Variants in ZC3H12B observed in about 807,000 individuals in gnomAD.
ZC3H12B encodes the protein probable ribonuclease ZC3H12B.
A neutral mutation model predicts 43.9 loss-of-function variants in ZC3H12B; 7 were observed. The ratio of observed to expected loss-of-function variants is 0.16; its 90% CI spans 0.09 to 0.30. ZC3H12B has a LOEUF of 0.30. ZC3H12B is among the 10% of genes least tolerant of loss of function. The pLI is 1.00. For synonymous variants in ZC3H12B, 222 were observed against 241.7 expected (o/e 0.92, Z 0.76); for missense variants, 475 against 670.2 (o/e 0.71, Z 3.22).
chrX:65,346,558 C>A, the ZC3H12B span, among the ~76,000 whole-genome samples: 1 of 112,108 alleles, frequency 8.9e-6, no homozygotes, highest in African/African-American at 3.2e-5. Flanking sequence ...TTTTTACATT[C>A]TGTACAAAAA....
intron 2 of ZC3H12B, among the ~76,000 whole-genome samples, chrX:65,388,640 C>A (rs981037708): frequency 8.9e-6 from 1 of 111,994 alleles, no homozygotes. Flanking sequence ...CTTCTCTCAA[C>A]TCGTCAAAGT....
At chrX:65,230,399 G>C in the ZC3H12B span, among the ~76,000 whole-genome samples, 1 of 109,116 alleles carries the variant, frequency 9.2e-6, no homozygotes, top group Non-Finnish European at 1.9e-5. Flanking sequence ...TGGGGGGAAG[G>C]GGGAGGGATA....
At chrX:65,044,715 C>T in the ZC3H12B span, among the ~76,000 whole-genome samples, 2 of 111,354 alleles carry the variant, frequency 1.8e-5, no homozygotes, top group Admixed American at 1.9e-4. Flanking sequence ...CACACACACA[C>T]AGAAATACAT....
chrX:65,326,713 C>T, the ZC3H12B span, among the ~76,000 whole-genome samples: 1 of 110,994 alleles, frequency 9.0e-6, no homozygotes, highest in Admixed American at 9.6e-5. Context: ...GATAGATATA[C>T]CAAGCACACT....
intron 1 of ZC3H12B, among the ~76,000 whole-genome samples, chrX:65,492,871 G>A (rs1264528625): frequency 8.9e-6 from 1 of 111,749 alleles, no homozygotes; most frequent in Non-Finnish European, 1.9e-5. Context: ...AGAGGCCAAG[G>A]CAGGCAGACT....
At chrX:65,249,942 C>A in the ZC3H12B span, among the ~76,000 whole-genome samples, 2 of 108,219 alleles carry the variant, frequency 1.8e-5, no homozygotes, top group African/African-American at 3.4e-5. Context: ...TTGCTGAATT[C>A]TTTTTTTTAT....
chrX:65,465,021 C>T (rs2067799514), intron 3 of ZC3H12B, among the ~76,000 whole-genome samples: 1 of 110,679 alleles, frequency 9.0e-6, no homozygotes, highest in Non-Finnish European at 1.9e-5. Flanking sequence ...TTTATTGAGG[C>T]TTATGTATGC....
the ZC3H12B span, among the ~76,000 whole-genome samples, chrX:65,191,475 G>A: frequency 4.9e-5 from 5 of 102,468 alleles, no homozygotes; most frequent in African/African-American, 1.2e-4. Flanking sequence ...CAGAATTTCA[G>A]CTCCTGTTAT....
chrX:65,319,455 A>G, the ZC3H12B span, among the ~76,000 whole-genome samples: 2 of 111,355 alleles, frequency 1.8e-5, no homozygotes, highest in African/African-American at 6.6e-5. Flanking sequence ...CCAGAAAAAA[A>G]CACAGGCCTA....
At chrX:65,350,959 G>T in the ZC3H12B span, among the ~76,000 whole-genome samples, 1 of 111,614 alleles carries the variant, frequency 9.0e-6, no homozygotes, top group East Asian at 2.8e-4. Context: ...CACAGAATTG[G>T]AAAAAAATAC....
At chrX:65,054,083 C>A in the ZC3H12B span, among the ~76,000 whole-genome samples, 69 of 112,250 alleles carry the variant, frequency 6.1e-4, no homozygotes, top group African/African-American at 2.2e-3. Context: ...ATGGTAATTT[C>A]TTTTGCTGTG....
At chrX:65,157,722 T>A in the ZC3H12B span, among the ~76,000 whole-genome samples, 2 of 110,622 alleles carry the variant, frequency 1.8e-5, no homozygotes, top group Non-Finnish European at 3.8e-5. Flanking sequence ...ACCATCTTAT[T>A]TGGGAATTTC....
the ZC3H12B span, among the ~76,000 whole-genome samples, chrX:65,261,092 A>C: frequency 8.9e-6 from 1 of 112,067 alleles, no homozygotes; most frequent in East Asian, 2.8e-4. Context: ...TCATTAAATC[A>C]AATTATAAAA....
chrX:65,318,406 C>A, the ZC3H12B span, among the ~76,000 whole-genome samples: 6 of 104,406 alleles, frequency 5.7e-5, no homozygotes, highest in African/African-American at 2.1e-4. Flanking sequence ...TCTTCTTCTT[C>A]TTTCTTCTTT....
At chrX:65,436,359 GAGA>G (rs1241449928) in intron 3 of ZC3H12B, among the ~76,000 whole-genome samples, 1 of 112,349 alleles carries the variant, frequency 8.9e-6, no homozygotes, top group Non-Finnish European at 1.9e-5. Context: ...CCAAAGGTAG[GAGA>G]AGATGAATGT....
intron 4 of ZC3H12B, among the ~76,000 whole-genome samples, chrX:65,501,239 CTTT>C (rs770490342): frequency 6.3e-4 from 40 of 63,348 alleles, no homozygotes; most frequent in African/African-American, 3.1e-3. Flanking sequence ...TCAGCTTTAG[CTTT>C]TTTTTTTTTT....
chrX:65,301,391 T>C, the ZC3H12B span, among the ~76,000 whole-genome samples: 1 of 111,707 alleles, frequency 9.0e-6, no homozygotes, highest in Admixed American at 9.5e-5. Flanking sequence ...TTCATGTTTA[T>C]AGCAGCACAA....
At chrX:65,261,728 G>A in the ZC3H12B span, among the ~76,000 whole-genome samples, 1 of 110,944 alleles carries the variant, frequency 9.0e-6, no homozygotes, top group African/African-American at 3.3e-5. Context: ...TTTAAGGAAA[G>A]TTTAAGAAAA....
the ZC3H12B span, among the ~76,000 whole-genome samples, chrX:65,197,609 A>G: frequency 8.9e-6 from 1 of 112,092 alleles, no homozygotes; most frequent in Non-Finnish European, 1.9e-5. Context: ...GTGATATTCT[A>G]CTAACAGCCC....
Sources: allele counts gnomAD v4.1 joint callset (sites outside exome capture counted in the v4.1 genomes callset), GRCh38; gene constraint gnomAD v4.1.1; transcripts MANE v1.5; gene names NCBI Gene and HGNC (gene_info 2026-07-23, HGNC 2026-07-21).